The following APAF1 variants were observed in gnomAD, a reference collection of about 807,000 sequenced individuals.
The protein encoded by APAF1 is apoptotic peptidase activating factor 1.
A neutral mutation model predicts 152.4 loss-of-function variants in APAF1; 91 were observed. That is an observed-to-expected ratio of 0.60 (90% confidence interval 0.50 to 0.71). The LOEUF (loss-of-function observed/expected upper bound fraction) is 0.71. Among genes scored for constraint, APAF1 ranks in the 30% least tolerant of loss-of-function variants. The pLI is 0.00. For missense variants in APAF1, 1,283 were observed against 1,472.0 expected, an observed-to-expected ratio of 0.87 and a Z score of 2.10; for synonymous variants, 484 against 494.1, an observed-to-expected ratio of 0.98 and a Z score of 0.27.
Position 98,659,340 on chromosome 12 carries a change from C to T in APAF1, c.707C>T (p.Pro236Leu). 6.2e-7 allele frequency: 1 copy of T among 1,614,120 alleles called. No homozygotes were observed. Among genetic ancestry groups the T allele is most frequent in the Admixed American group, 1.7e-5 (1 of 60,024 alleles). Residue 236 changes from proline (P) to leucine (L), a missense_variant, in exon 5 of 27, where the codon CCA becomes CTA. Coordinates refer to ENST00000551964, the MANE Select transcript of APAF1 (RefSeq NM_181861.2). ...RLRILMLRKH[P>L]RSLLILDDVW... ...CGCATTCTGATGCTTCGCAAACACC[C>T]AAGGTACCGATGGTCAAATTTAGTT...
intron 13 of APAF1, 125 bp from the exon 14 acceptor site, chr12:98,680,152 C>A: frequency 1.1e-6 from 1 of 951,472 alleles, no homozygotes; most frequent in South Asian, 1.7e-5. Context: ...TTGGGAGTAG[C>A]TTTGCCAAGG....
At chr12:98,709,332 G>A (rs1389136881) in intron 20 of APAF1, among the ~76,000 whole-genome samples, 1 of 152,176 alleles carries the variant, frequency 6.6e-6, no homozygotes, top group Non-Finnish European at 1.5e-5. Context: ...ACCCAACAAA[G>A]AGTGGGACAC....
chr12:98,671,043 T>C lies in APAF1; in HGVS notation c.1565T>C (p.Leu522Pro). ...ACAGAACTTGTAGGCCCTGCTCATC[T>C]GATTCATGAATTTGTGGAATACAGA... is the stretch of plus-strand genomic sequence containing the variant. ...AKTELVGPAH[L>P]IHEFVEYRHI... Residue 522 changes from leucine (L) to proline (P), a missense_variant, in exon 11 of 27, where the codon CTG becomes CCG. Leu to Pro is a moderately conservative substitution (Grantham distance 98). Transcript: ENST00000551964. 1 of 1,612,510 alleles carries C rather than the reference T, an allele frequency of 6.2e-7. No homozygotes were observed. The highest frequency in any genetic ancestry group is 8.5e-7 in the Non-Finnish European group (1 of 1,179,082).
chr12:98,645,813 A>G lies in APAF1; in HGVS notation c.-64A>G, dbSNP rs1415777173. The G allele has an allele frequency of 6.6e-6, 1 of 152,224 alleles. No individual in the cohort carries two copies. Among genetic ancestry groups the G allele is most frequent in the African/African-American group, 2.4e-5 (1 of 41,444 alleles). 9.4% of individuals were successfully genotyped at this position (152,224 alleles called of 1,614,324 possible). A position where few individuals can be genotyped will look rare whatever the true frequency, so the allele number is the denominator to read the frequency against. ...TCCCGGCAGTGCCGCCCTCCCCACTAAGACCTAGGCGCAAAGGCTTGGGTA... is the reference window on the plus strand; with the variant it reads ...TCCCGGCAGTGCCGCCCTCCCCACTGAGACCTAGGCGCAAAGGCTTGGGTA... On this transcript the variant is annotated 5_prime_UTR_variant, in exon 1 of 27. Transcript: ENST00000551964.
At chr12:98,689,623 C>G (rs1236038576) in intron 16 of APAF1, among the ~76,000 whole-genome samples, 1 of 152,038 alleles carries the variant, frequency 6.6e-6, no homozygotes, top group Non-Finnish European at 1.5e-5. Context: ...CAATGCCTAG[C>G]TAATTTTGTT....
At chr12:98,669,581 A>G (rs1485385011) in intron 10 of APAF1, among the ~76,000 whole-genome samples, 2 of 152,172 alleles carry the variant, frequency 1.3e-5, no homozygotes, top group Admixed American at 1.3e-4. Context: ...TGTCATTTAT[A>G]TAGAGTGACA....
At chr12:98,723,471 G>A (rs1188389709) in intron 23 of APAF1, among the ~76,000 whole-genome samples, 159 bp downstream of exon 23, 1 of 152,064 alleles carries the variant, frequency 6.6e-6, no homozygotes. Flanking sequence ...TACATCTGCT[G>A]TGTTTAATGA....
chr12:98,734,230 T>C lies in APAF1; in HGVS notation c.*1664T>C, dbSNP rs900711296. On this transcript the variant is annotated 3_prime_UTR_variant, in exon 27 of 27. Transcript: ENST00000551964. ...CTTTCCCTTGTCTCTCTCATCCTCT[T>C]TTCCTTCCTTCTTTCCTTTCTCTTC... 2.0e-5 allele frequency: 3 copies of C among 152,212 alleles called. No individual in the cohort carries two copies. Among genetic ancestry groups the C allele is most frequent in the African/African-American group, 7.2e-5 (3 of 41,434 alleles). 9.4% of individuals were successfully genotyped at this position (152,212 alleles called of 1,614,324 possible).
chr12:98,726,495 G>A (rs1476397884), intron 25 of APAF1: 1 of 153,150 alleles, frequency 6.5e-6, no homozygotes, highest in Admixed American at 6.5e-5. Flanking sequence ...TATACAGTTT[G>A]CAGGAACAGA....
intron 9 of APAF1, among the ~76,000 whole-genome samples, chr12:98,666,637 T>C (rs1382343906): frequency 6.6e-6 from 1 of 152,214 alleles, no homozygotes; most frequent in African/African-American, 2.4e-5. Context: ...GTCATTTTTT[T>C]CCGTCTCCTC....
chr12:98,732,272 T>C lies in APAF1; in HGVS notation c.3601-148T>C. 7 of 716,154 alleles carry C rather than the reference T, an allele frequency of 9.8e-6. 1 individual carries two copies. The East Asian group carries it at 1.9e-4, about 19-fold the overall frequency. The allele number at this position is 716,154 out of a possible 1,614,324, so 44.4% of individuals were successfully genotyped here. A position where few individuals can be genotyped will look rare whatever the true frequency, so the allele number is the denominator to read the frequency against. Reference sequence around the variant, plus strand: ...GGAAGAGGCTGACCAGGTTGAATAGTATATTCAGCATTAAATCCGAGACAT... The same window carrying C: ...GGAAGAGGCTGACCAGGTTGAATAGCATATTCAGCATTAAATCCGAGACAT... On this transcript the variant is annotated intron_variant, in intron 26 of 26. Coordinates refer to ENST00000551964, the MANE Select transcript of APAF1 (RefSeq NM_181861.2).
In APAF1 at chr12:98,648,368, A is replaced by G. The variant is rs1256360487; in HGVS notation, c.9A>G (p.Ala3=). 6.2e-7 allele frequency: 1 copy of G among 1,614,122 alleles called. No homozygotes were observed. Among genetic ancestry groups the G allele is most frequent in the Non-Finnish European group, 8.5e-7 (1 of 1,180,012 alleles). The part of the protein sequence containing the change: MD[A]KARNCLLQHR... The stretch of plus-strand genomic sequence containing the variant: ...GAAAGATCTGAGGGAAGATGGATGC[A>G]AAAGCTCGAAATTGTTTGCTTCAAC... Residue 3 remains alanine, a synonymous_variant, in exon 2 of 27, where the codon GCA becomes GCG. Coordinates refer to ENST00000551964, the MANE Select transcript of APAF1 (RefSeq NM_181861.2).
In APAF1 at chr12:98,708,680, A is replaced by T. The variant is rs760834151; in HGVS notation, c.2817A>T (p.Ala939=). The T allele has an allele frequency of 3.8e-5, 62 of 1,613,658 alleles. No individual in the cohort carries two copies. Among genetic ancestry groups the T allele is most frequent in the Non-Finnish European group, 5.2e-5 (61 of 1,179,834 alleles). Residue 939 remains alanine (A), a synonymous_variant, in exon 20 of 27, where the codon GCA becomes GCT. Coordinates refer to ENST00000551964, the MANE Select transcript of APAF1 (RefSeq NM_181861.2). ...VFQENEVMVL[A]VDHIRRLQLI... ...AAGAAAATGAAGTGATGGTCCTTGC[A>T]GTTGACCATATAAGACGTCTGCAAG...
At chr12:98,661,403 C>G (rs2097665129) in intron 5 of APAF1, among the ~76,000 whole-genome samples, 1 of 152,106 alleles carries the variant, frequency 6.6e-6, no homozygotes, top group South Asian at 2.1e-4. Flanking sequence ...TTTTTAATCT[C>G]TCAGTCTCAT....
chr12:98,667,395 C>G (rs1203780017), intron 9 of APAF1, 118 bp from the exon 10 acceptor site: 3 of 1,240,306 alleles, frequency 2.4e-6, no homozygotes, highest in Non-Finnish European at 2.3e-6. Flanking sequence ...GGATTACAGG[C>G]GTGAGCCACC....
chr12:98,681,790 T>G (rs2097692484), intron 14 of APAF1, among the ~76,000 whole-genome samples: 1 of 152,114 alleles, frequency 6.6e-6, no homozygotes, highest in South Asian at 2.1e-4. Flanking sequence ...TAAAAGGAAA[T>G]AATAATGAGT....
intron 16 of APAF1, among the ~76,000 whole-genome samples, chr12:98,693,288 C>CTTACT (rs1179707463): frequency 6.6e-6 from 1 of 151,464 alleles, no homozygotes; most frequent in Non-Finnish European, 1.5e-5. Context: ...GAAAAAAGGT[C>CTTACT]TTACTACGTT....
intron 16 of APAF1, among the ~76,000 whole-genome samples, chr12:98,688,245 G>A (rs191427642): frequency 1.3e-5 from 2 of 152,104 alleles, no homozygotes; most frequent in South Asian, 2.1e-4. Flanking sequence ...TGTCTCTATT[G>A]TCTCTCCTGT....
rs752512193 is a variant in APAF1 at position 98,659,280 on chromosome 12, T to C, written c.647T>C (p.Leu216Pro). ...CAGGATGAGAGTTTTTCCCAGAGGC[T>C]TCCACTTAATATTGAAGAGGCTAAA... ...LDQDESFSQR[L>P]PLNIEEAKDR... The change falls in exon 5 of 27, where the codon CTT becomes CCT. Residue 216 changes from leucine (L) to proline (P), a missense_variant. Transcript: ENST00000551964. 1 of 1,614,192 alleles carries C rather than the reference T, an allele frequency of 6.2e-7. No individual in the cohort carries two copies. The highest frequency in any genetic ancestry group is 1.1e-5 in the South Asian group (1 of 91,078).
Sources: allele counts gnomAD v4.1 joint callset (sites outside exome capture counted in the v4.1 genomes callset), GRCh38; gene constraint gnomAD v4.1.1; transcripts MANE v1.5; gene names NCBI Gene and HGNC (gene_info 2026-07-23, HGNC 2026-07-21).